ULK4: variants seen among roughly 807,000 people sequenced by gnomAD.
The protein encoded by ULK4 is unc-51 like kinase 4.
Under a neutral mutation model 160.6 loss-of-function variants are expected in ULK4, and 133 were observed. That is an observed-to-expected ratio of 0.83 (90% CI 0.72 to 0.96). The LOEUF (loss-of-function observed/expected upper bound fraction) is 0.96. Ranked by LOEUF, ULK4 falls within the 40% of genes least tolerant of loss-of-function variation. The pLI is 0.00. For missense variants in ULK4, 1,580 were observed against 1,499.5 expected (o/e 1.05, Z -0.89); for synonymous variants, 534 against 539.8 (o/e 0.99, Z 0.15).
At chr3:41,352,435 T>G (rs2125762818) in intron 35 of ULK4, among the ~76,000 whole-genome samples, 1 of 152,272 alleles carries the variant, frequency 6.6e-6, no homozygotes, top group Admixed American at 6.5e-5. Flanking sequence ...AAAGAAAACT[T>G]AAATCTCTGC....
At chr3:41,820,454 T>A (rs571586131) in intron 18 of ULK4, among the ~76,000 whole-genome samples, 1 of 152,294 alleles carries the variant, frequency 6.6e-6, no homozygotes, top group South Asian at 2.1e-4. Context: ...AAATGTAGTA[T>A]ATATCCACCA....
At chr3:41,864,409 G>A (rs373220854) in intron 17 of ULK4, among the ~76,000 whole-genome samples, 75 of 151,906 alleles carry the variant, frequency 4.9e-4, no homozygotes, top group Non-Finnish European at 9.3e-4. Flanking sequence ...CTCTTTCAGC[G>A]ATATGAGATT....
intron 11 of ULK4, among the ~76,000 whole-genome samples, chr3:41,911,047 T>A (rs4264702): frequency 0.12 from 19,005 of 152,222 alleles, 1,345 homozygotes; most frequent in Middle Eastern, 0.27. Flanking sequence ...TGAAGAGGCA[T>A]TAATTCTTAC....
intron 17 of ULK4, among the ~76,000 whole-genome samples, chr3:41,844,745 G>C (rs996480570): frequency 9.7e-5 from 14 of 143,956 alleles, no homozygotes; most frequent in African/African-American, 3.6e-4. Context: ...TTGCTGGTGA[G>C]AATGTAAAAC....
intron 19 of ULK4, among the ~76,000 whole-genome samples, chr3:41,808,300 A>G (rs1356924583): frequency 1.3e-5 from 2 of 152,318 alleles, no homozygotes; most frequent in African/African-American, 4.8e-5. Context: ...TGTGCTTTAC[A>G]ACACAATTGT....
rs11928021 is a variant in ULK4, at chr3:41,743,688, G to A, written c.2321+10673C>T. On this transcript the variant is annotated intron_variant, in intron 22 of 36. Transcript: ENST00000301831. Reference sequence around the variant, plus strand: ...AGACAATTTTTTTTCTTTTTTGAGAGGGAGCCTTGCTCTGTTGCCCAGGCT... The same window carrying A: ...AGACAATTTTTTTTCTTTTTTGAGAAGGAGCCTTGCTCTGTTGCCCAGGCT... Among the ~76,000 whole-genome samples, 1,020 of 151,698 alleles carry A rather than the reference G, an allele frequency of 6.7e-3. 25 individuals carry two copies. Among genetic ancestry groups the A allele is most frequent in the African/African-American group, 0.024 (981 of 41,226 alleles).
Position 41,453,327 on chromosome 3 carries a change from C to T in ULK4, c.3492+2170G>A, listed in dbSNP as rs2083465254. On this transcript the variant is annotated intron_variant, in intron 34 of 36. Transcript: ENST00000301831. ...AGTAGCTAGAACTACAGGTGTGCACCACCACACCTGGCCAAATTTTAAACA... is the reference window on the plus strand; with the variant it reads ...AGTAGCTAGAACTACAGGTGTGCACTACCACACCTGGCCAAATTTTAAACA... Among the ~76,000 whole-genome samples, 4 of 152,100 alleles carry T rather than the reference C, an allele frequency of 2.6e-5. No individual in the cohort carries two copies. The South Asian group carries it at 8.3e-4, about 32-fold the overall frequency.
chr3:41,725,662 T>C (rs9882329), intron 22 of ULK4, among the ~76,000 whole-genome samples: 48,429 of 152,122 alleles, frequency 0.32, 11,363 homozygotes, highest in African/African-American at 0.67. Context: ...AACTCTATTG[T>C]CTGTATTCCC....
At chr3:41,544,033 G>A (rs1306532955) in intron 32 of ULK4, among the ~76,000 whole-genome samples, 5 of 152,088 alleles carry the variant, frequency 3.3e-5, no homozygotes, top group Non-Finnish European at 4.4e-5. Flanking sequence ...GGTCCTTTCA[G>A]AAATAGTTTG....
chr3:41,418,592 C>T (rs1217714641), intron 34 of ULK4, among the ~76,000 whole-genome samples: 4 of 152,152 alleles, frequency 2.6e-5, no homozygotes, highest in Non-Finnish European at 4.4e-5. Flanking sequence ...TGAGAACTCC[C>T]ATGCCATGTA....
chr3:41,420,475 CTTTTTTTTTTTTT>C (rs1165381982), intron 34 of ULK4, among the ~76,000 whole-genome samples: 15 of 41,190 alleles, frequency 3.6e-4, no homozygotes, highest in Admixed American at 9.8e-4. Flanking sequence ...CCAGTTCTTT[CTTTTTTTTTTTTT>C]TTTTTTTTTT....
intron 22 of ULK4, among the ~76,000 whole-genome samples, chr3:41,732,877 C>A (rs1346446334): frequency 6.6e-6 from 1 of 152,010 alleles, no homozygotes; most frequent in Non-Finnish European, 1.5e-5. Context: ...GGCATGATCT[C>A]GCTCATATGT....
intron 17 of ULK4, among the ~76,000 whole-genome samples, chr3:41,861,289 T>A (rs114478219): frequency 0.029 from 4,380 of 152,310 alleles, 206 homozygotes; most frequent in African/African-American, 0.1. Flanking sequence ...CTTTTCTTTC[T>A]GACTGAAGTA....
chr3:41,559,016 T>G (rs2087438217), intron 32 of ULK4, among the ~76,000 whole-genome samples: 1 of 133,962 alleles, frequency 7.5e-6, no homozygotes, highest in African/African-American at 2.6e-5. Context: ...CCTAATGCTA[T>G]CCCTCCCCCC....
Position 41,246,645 on chromosome 3 carries a change from A to T in ULK4, c.*284T>A, listed in dbSNP as rs897410065. 1.0e-5 allele frequency: 4 copies of T among 396,522 alleles called. No individual in the cohort carries two copies. Among genetic ancestry groups the T allele is most frequent in the Non-Finnish European group, 1.9e-5 (4 of 214,584 alleles). 24.6% of individuals were successfully genotyped at this position (396,522 alleles called of 1,614,324 possible). A position where few individuals can be genotyped will look rare whatever the true frequency, so the allele number is the denominator to read the frequency against. Reference sequence around the variant, plus strand: ...TATTACCACAGGCAGTGCTAACCTTAGCCCACCTGGCCCACACAGAGAGGG... The same window carrying T: ...TATTACCACAGGCAGTGCTAACCTTTGCCCACCTGGCCCACACAGAGAGGG... On this transcript the variant is annotated 3_prime_UTR_variant, in exon 37 of 37. Transcript: ENST00000301831.
At chr3:41,862,870 C>T (rs1334025743) in intron 17 of ULK4, among the ~76,000 whole-genome samples, 1 of 151,546 alleles carries the variant, frequency 6.6e-6, no homozygotes, top group Admixed American at 6.6e-5. Context: ...ACACAAGCAC[C>T]CCTATGGCCA....
chr3:41,679,045 T>G (rs972004001), intron 29 of ULK4, among the ~76,000 whole-genome samples: 8 of 152,208 alleles, frequency 5.3e-5, no homozygotes, highest in Non-Finnish European at 8.8e-5. Flanking sequence ...TACTTACATT[T>G]CATTTAAAAT....
intron 12 of ULK4, among the ~76,000 whole-genome samples, chr3:41,901,478 C>CTTTTTT (rs1305478036): frequency 8.7e-5 from 2 of 22,946 alleles, no homozygotes; most frequent in Non-Finnish European, 6.2e-4. Context: ...CCACGCCCAG[C>CTTTTTT]CTTTTTTTTT....
rs1559482051 is a variant in ULK4 at position 41,681,656 on chromosome 3, G to T, written c.2834-4C>A. The T allele has an allele frequency of 1.2e-6, 2 of 1,605,750 alleles. No homozygotes were observed. Among genetic ancestry groups the T allele is most frequent in the Non-Finnish European group, 1.7e-6 (2 of 1,177,514 alleles). ...AAGCTAAAGAGTCTCCACTCCACTTGAAAGAAAAAAAAAATGCCAAGAATG... is the reference window on the plus strand; with the variant it reads ...AAGCTAAAGAGTCTCCACTCCACTTTAAAGAAAAAAAAAATGCCAAGAATG... On this transcript the variant is annotated splice_region_variant and splice_polypyrimidine_tract_variant and intron_variant, in intron 28 of 36. Transcript: ENST00000301831.
Sources: allele counts gnomAD v4.1 joint callset (sites outside exome capture counted in the v4.1 genomes callset), GRCh38; gene constraint gnomAD v4.1.1; transcripts MANE v1.5; gene names NCBI Gene and HGNC (gene_info 2026-07-23, HGNC 2026-07-21).